Variants in AGPAT4 observed in about 807,000 individuals in gnomAD.
The protein encoded by AGPAT4 is 1-acyl-sn-glycerol-3-phosphate acyltransferase delta.
Under a neutral mutation model 48.0 loss-of-function variants are expected in AGPAT4, and 15 were observed. That is an observed-to-expected ratio of 0.31 (90% CI 0.21 to 0.48). The LOEUF (loss-of-function observed/expected upper bound fraction) is 0.48, where lower values mean the gene tolerates loss of function less well. Among genes scored for constraint, AGPAT4 ranks in the 20% least tolerant of loss-of-function variants. The probability of loss-of-function intolerance (pLI) is 0.99; values close to 1 mark genes in which losing one functional copy is unlikely to be tolerated. For missense variants in AGPAT4, 314 were observed against 482.5 expected (o/e 0.65, Z 3.27); for synonymous variants, 178 against 198.7 (o/e 0.90, Z 0.88).
rs1374682403 is a variant in AGPAT4 at position 161,270,382 on chromosome 6, TAG to T, written c.-90+3554_-90+3555del. ...TAATGAATTTGAGTTGCCCAAGCTC[TAG>T]GAAATGTTACATGATTATTATGATT... On this transcript the variant is annotated intron_variant, in intron 1 of 8. Transcript: ENST00000320285. This position sits in a 1 kb window ranked among gnomAD's most constrained non-coding sequence, Gnocchi z 5.3. Among the ~76,000 whole-genome samples the T allele has an allele frequency of 2.6e-5, 4 of 152,190 alleles. No individual in the cohort carries two copies. Among genetic ancestry groups the T allele is most frequent in the Admixed American group, 2.0e-4 (3 of 15,282 alleles).
rs560740747 is a variant in AGPAT4, at chr6:161,185,153, A to C, written c.179-18736T>G. Among the ~76,000 whole-genome samples, 9 of 152,082 alleles carry C rather than the reference A, an allele frequency of 5.9e-5. No homozygotes were observed. The East Asian group carries it at 1.3e-3, about 23-fold the overall frequency. Reference sequence around the variant, plus strand: ...ATACTCCAAATGTTTAAAAAAAAAAAAAAAAACAAGAGGGAGATAGTTTGG... The same window carrying C: ...ATACTCCAAATGTTTAAAAAAAAAACAAAAAACAAGAGGGAGATAGTTTGG... On this transcript the variant is annotated intron_variant, in intron 2 of 8. Coordinates refer to ENST00000320285, the MANE Select transcript of AGPAT4 (RefSeq NM_020133.3).
chr6:161,250,891 T>C (rs1327271692), intron 1 of AGPAT4, among the ~76,000 whole-genome samples: 3 of 152,230 alleles, frequency 2.0e-5, no homozygotes, highest in Non-Finnish European at 4.4e-5. Context: ...TTTAAAGTAT[T>C]TATTAAATGC....
chr6:161,158,256 T>C lies in AGPAT4; in HGVS notation c.349-3946A>G, dbSNP rs1310830356. 6.6e-6 allele frequency among the ~76,000 whole-genome samples: 1 copy of C among 152,232 alleles called. No individual in the cohort carries two copies. The highest frequency in any genetic ancestry group is 6.5e-5 in the Admixed American group (1 of 15,288). On this transcript the variant is annotated intron_variant, in intron 3 of 8. Transcript: ENST00000320285. This position sits in a 1 kb window ranked among gnomAD's most constrained non-coding sequence, Gnocchi z 5.3. ...ACAGTTCCCCCGGCAAAAGGTTCAA[T>C]AGGCTATAACTATCATGGCTTTCCC...
rs1779111052 is a variant in AGPAT4 at position 161,137,646 on chromosome 6, GAACACA to G, written c.1043-1018_1043-1013del. Among the ~76,000 whole-genome samples, 1 of 152,026 alleles carries G rather than the reference GAACACA, an allele frequency of 6.6e-6. No individual in the cohort carries two copies. Among genetic ancestry groups the G allele is most frequent in the South Asian group, 2.1e-4 (1 of 4,836 alleles). On this transcript the variant is annotated intron_variant, in intron 8 of 8. Transcript: ENST00000320285. This position sits in a 1 kb window ranked among gnomAD's most constrained non-coding sequence, Gnocchi z 6.1. Reference sequence around the variant, plus strand: ...CGTGTGGCCTTGGAAGAGGAGTAAAGAACACAAACACAAAGTCCTTCAGGGAAGAAT... The same window carrying G: ...CGTGTGGCCTTGGAAGAGGAGTAAAGAACACAAAGTCCTTCAGGGAAGAAT...
At position 161,225,721 on chromosome 6, in the gene AGPAT4, C is replaced by A. The variant is rs192819838; in HGVS notation, c.178+6315G>T. On this transcript the variant is annotated intron_variant, in intron 2 of 8. Coordinates refer to ENST00000320285, the MANE Select transcript of AGPAT4 (RefSeq NM_020133.3). This position sits in a 1 kb window ranked among gnomAD's most constrained non-coding sequence, Gnocchi z 5.0. ...GTGTTTGCTTGTTTCAGCTGTGCAG[C>A]GTGGACACACTTCAGAAGTAAAAGG... is the stretch of plus-strand genomic sequence containing the variant. Among the ~76,000 whole-genome samples the A allele has an allele frequency of 6.6e-6, 1 of 152,124 alleles. No homozygotes were observed. Among genetic ancestry groups the A allele is most frequent in the Admixed American group, 6.5e-5 (1 of 15,276 alleles).
In AGPAT4 at chr6:161,264,552, G is replaced by A. The variant is rs191330131; in HGVS notation, c.-90+9386C>T. Among the ~76,000 whole-genome samples the A allele has an allele frequency of 3.9e-4, 60 of 152,296 alleles. 1 individual carries two copies. The East Asian group carries it at 8.9e-3, about 23-fold the overall frequency. On this transcript the variant is annotated intron_variant, in intron 1 of 8. Coordinates refer to ENST00000320285, the MANE Select transcript of AGPAT4 (RefSeq NM_020133.3). This position sits in a 1 kb window ranked among gnomAD's most constrained non-coding sequence, Gnocchi z 6.8. ...GGGGTGGTGAGGTGGTCCCCCTGGC[G>A]TGCCCGCGCATCCCTGCCCTGCAAG...
Position 161,255,909 on chromosome 6 carries a change from GA to G in AGPAT4, c.-90+18028del, listed in dbSNP as rs922850883. The stretch of plus-strand genomic sequence containing the variant: ...CAATAAAGCTGTATGTAAAAACAAA[GA>G]AAAAAACACTGGCCCCACAGAAGAC... On this transcript the variant is annotated intron_variant, in intron 1 of 8. Coordinates refer to ENST00000320285, the MANE Select transcript of AGPAT4 (RefSeq NM_020133.3). This position sits in a 1 kb window ranked among gnomAD's most constrained non-coding sequence, Gnocchi z 4.7. Among the ~76,000 whole-genome samples the G allele has an allele frequency of 1.3e-5, 2 of 152,036 alleles. No individual in the cohort carries two copies. Among genetic ancestry groups the G allele is most frequent in the Admixed American group, 1.3e-4 (2 of 15,266 alleles).
At position 161,219,926 on chromosome 6, in the gene AGPAT4, G is replaced by GCAGC. The variant is rs1172334579; in HGVS notation, c.178+12109_178+12110insGCTG. ...AGGCAGGCAGGCAGGCGGCAGGCAG[G>GCAGC]CAGGCAGGCAGGCAGGCAGGCAGAC... On this transcript the variant is annotated intron_variant, in intron 2 of 8. Coordinates refer to ENST00000320285, the MANE Select transcript of AGPAT4 (RefSeq NM_020133.3). This position sits in a 1 kb window ranked among gnomAD's most constrained non-coding sequence, Gnocchi z 4.9. 6.7e-6 allele frequency among the ~76,000 whole-genome samples: 1 copy of GCAGC among 149,704 alleles called. No individual in the cohort carries two copies. The highest frequency in any genetic ancestry group is 1.5e-5 in the Non-Finnish European group (1 of 67,620).
At chr6:161,193,977 A>G (rs888389949) in intron 2 of AGPAT4, among the ~76,000 whole-genome samples, 1 of 152,184 alleles carries the variant, frequency 6.6e-6, no homozygotes, top group Non-Finnish European at 1.5e-5. Flanking sequence ...CTAAGCCATA[A>G]TTTTCCTGTA....
At position 161,256,551 on chromosome 6, in the gene AGPAT4, G is replaced by A. The variant is rs549029781; in HGVS notation, c.-90+17387C>T. ...GGGAGAAGTTCCAGGGCTGAAATAC[G>A]TGACAGACATGACACTCGTGCTATG... On this transcript the variant is annotated intron_variant, in intron 1 of 8. Coordinates refer to ENST00000320285, the MANE Select transcript of AGPAT4 (RefSeq NM_020133.3). Among the ~76,000 whole-genome samples, 294 of 152,306 alleles carry A rather than the reference G, an allele frequency of 1.9e-3. 1 individual carries two copies. Among genetic ancestry groups the A allele is most frequent in the African/African-American group, 6.7e-3 (278 of 41,570 alleles).
chr6:161,201,742 C>G lies in AGPAT4; in HGVS notation c.178+30294G>C, dbSNP rs1017310788. On this transcript the variant is annotated intron_variant, in intron 2 of 8. Transcript: ENST00000320285. This position sits in a 1 kb window ranked among gnomAD's most constrained non-coding sequence, Gnocchi z 6.0. The stretch of plus-strand genomic sequence containing the variant: ...TAGGGGTAGGTAAATTACTGTGGCC[C>G]AACTAGGGCCAGGTCCTGCTCTCAG... Among the ~76,000 whole-genome samples, 1 of 152,180 alleles carries G rather than the reference C, an allele frequency of 6.6e-6. No homozygotes were observed. Among genetic ancestry groups the G allele is most frequent in the African/African-American group, 2.4e-5 (1 of 41,426 alleles).
In AGPAT4 at chr6:161,272,774, A is replaced by G. The variant is rs373990109; in HGVS notation, c.-90+1164T>C. Among the ~76,000 whole-genome samples, 16 of 151,740 alleles carry G rather than the reference A, an allele frequency of 1.1e-4. No homozygotes were observed. The East Asian group carries it at 1.4e-3, about 13-fold the overall frequency. On this transcript the variant is annotated intron_variant, in intron 1 of 8. Coordinates refer to ENST00000320285, the MANE Select transcript of AGPAT4 (RefSeq NM_020133.3). The surrounding 1 kb of genome is among the most constrained non-coding windows in gnomAD (Gnocchi z 4.2). ...CTTCTCTCAAGATACTTTTTTTCCAACTGAGAGTCGTTGACTAATCACAGA... is the reference window on the plus strand; with the variant it reads ...CTTCTCTCAAGATACTTTTTTTCCAGCTGAGAGTCGTTGACTAATCACAGA...
chr6:161,262,378 G>A lies in AGPAT4; in HGVS notation c.-90+11560C>T, dbSNP rs112379082. ...TGCAGCCATGGTGGCCAGCTGCCGC[G>A]TCTGTCCCTGCCACACAGGGGCTAC... On this transcript the variant is annotated intron_variant, in intron 1 of 8. Transcript: ENST00000320285. This position sits in a 1 kb window ranked among gnomAD's most constrained non-coding sequence, Gnocchi z 4.9. Among the ~76,000 whole-genome samples the A allele has an allele frequency of 5.7e-3, 866 of 152,300 alleles. 6 individuals carry two copies. Among genetic ancestry groups the A allele is most frequent in the African/African-American group, 0.02 (836 of 41,560 alleles).
chr6:161,166,198 G>T lies in AGPAT4; in HGVS notation c.348+50C>A. 6.3e-7 allele frequency: 1 copy of T among 1,593,256 alleles called. No individual in the cohort carries two copies. Among genetic ancestry groups the T allele is most frequent in the Non-Finnish European group, 8.6e-7 (1 of 1,167,544 alleles). On this transcript the variant is annotated intron_variant, in intron 3 of 8. Coordinates refer to ENST00000320285, the MANE Select transcript of AGPAT4 (RefSeq NM_020133.3). The surrounding 1 kb of genome is among the most constrained non-coding windows in gnomAD (Gnocchi z 6.7). ...CAGGAGCAAAAAGACAAGTGGTGGG[G>T]CTGAACCAGAGAAATGTGTGAGGCA...
rs953670597 is a variant in AGPAT4, at chr6:161,158,241, C to A, written c.349-3931G>T. 1.3e-5 allele frequency among the ~76,000 whole-genome samples: 2 copies of A among 152,160 alleles called. No homozygotes were observed. The highest frequency in any genetic ancestry group is 2.9e-5 in the Non-Finnish European group (2 of 68,036). Reference sequence around the variant, plus strand: ...TATTAAGACATACTGACAGTTCCCCCGGCAAAAGGTTCAATAGGCTATAAC... The same window carrying A: ...TATTAAGACATACTGACAGTTCCCCAGGCAAAAGGTTCAATAGGCTATAAC... On this transcript the variant is annotated intron_variant, in intron 3 of 8. Coordinates refer to ENST00000320285, the MANE Select transcript of AGPAT4 (RefSeq NM_020133.3). The surrounding 1 kb of genome is among the most constrained non-coding windows in gnomAD (Gnocchi z 5.3).
chr6:161,182,780 C>A (rs901757312), intron 2 of AGPAT4, among the ~76,000 whole-genome samples: 18 of 152,200 alleles, frequency 1.2e-4, no homozygotes, highest in African/African-American at 4.1e-4. Context: ...CATGACATAG[C>A]CTCTAAAACC....
Position 161,217,148 on chromosome 6 carries a change from G to A in AGPAT4, c.178+14888C>T, listed in dbSNP as rs1781668249. 2.0e-5 allele frequency among the ~76,000 whole-genome samples: 3 copies of A among 152,210 alleles called. No individual in the cohort carries two copies. On this transcript the variant is annotated intron_variant, in intron 2 of 8. Transcript: ENST00000320285. The surrounding 1 kb of genome is among the most constrained non-coding windows in gnomAD (Gnocchi z 4.9). ...GCAGACAGTGGAGAAGGCAAGCCAG[G>A]GGAGGGGCGGAGTGAGCACAGGCGT...
intron 2 of AGPAT4, among the ~76,000 whole-genome samples, chr6:161,192,997 C>T (rs141289250): frequency 1.5e-4 from 23 of 152,278 alleles, no homozygotes; most frequent in African/African-American, 5.3e-4. Flanking sequence ...GATGCATCTA[C>T]GTGTGACTGG....
intron 1 of AGPAT4, among the ~76,000 whole-genome samples, chr6:161,250,562 G>A (rs7750302): frequency 0.38 from 58,413 of 151,726 alleles, 12,765 homozygotes; most frequent in African/African-American, 0.59. Context: ...GCAATGTTTA[G>A]CAATTCTGGG....
Sources: gnomAD v4.1 joint callset for allele counts (sites outside exome capture counted in the v4.1 genomes callset) on GRCh38, gnomAD v4.1.1 for gene constraint, Gnocchi (gnomAD v3.1) non-coding constraint, MANE v1.5 for transcripts, NCBI Gene and HGNC (gene_info 2026-07-23, HGNC 2026-07-21) for gene names.